Variants in ADAM9 observed in about 807,000 individuals in gnomAD.
ADAM9 encodes the protein ADAM metallopeptidase domain 9, also known as disintegrin and metalloproteinase domain-containing protein 9.
Under a neutral mutation model 108.1 loss-of-function variants are expected in ADAM9, and 54 were observed. The observed-to-expected ratio is 0.50, with a 90% CI of 0.40 to 0.63. The LOEUF (loss-of-function observed/expected upper bound fraction) is 0.63. ADAM9 is among the 20% of genes least tolerant of loss of function. The probability of loss-of-function intolerance (pLI) is 0.00; values close to 1 mark genes in which losing one functional copy is unlikely to be tolerated. For synonymous variants in ADAM9, 316 were observed against 336.0 expected, an observed-to-expected ratio of 0.94 and a Z score of 0.65; for missense variants, 830 against 997.7, an observed-to-expected ratio of 0.83 and a Z score of 2.26.
chr8:39,016,475 CTTTATA>C (rs1278213809), intron 5 of ADAM9, among the ~76,000 whole-genome samples: 3 of 152,168 alleles, frequency 2.0e-5, no homozygotes, highest in African/African-American at 4.8e-5. Context: ...TTCTGTAGCA[CTTTATA>C]TTTATAAAAT....
intron 14 of ADAM9, among the ~76,000 whole-genome samples, chr8:39,063,752 AG>A (rs758314270): frequency 1.3e-5 from 2 of 152,164 alleles, no homozygotes; most frequent in Non-Finnish European, 2.9e-5. Flanking sequence ...GAAAGAGTTT[AG>A]AGCTCAGTGT....
intron 11 of ADAM9, among the ~76,000 whole-genome samples, chr8:39,034,311 A>T (rs1837199953): frequency 6.6e-6 from 1 of 152,206 alleles, no homozygotes; most frequent in South Asian, 2.1e-4. Context: ...GTTCTTATTT[A>T]TCATGTCTAC....
intron 15 of ADAM9, among the ~76,000 whole-genome samples, chr8:39,074,288 C>G (rs1343170022): frequency 2.0e-5 from 3 of 151,906 alleles, no homozygotes; most frequent in Non-Finnish European, 4.4e-5. Context: ...AAACATAAGC[C>G]AAATGTTTCC....
intron 18 of ADAM9, among the ~76,000 whole-genome samples, chr8:39,085,236 G>A (rs546638432): frequency 6.6e-6 from 1 of 152,172 alleles, no homozygotes; most frequent in South Asian, 2.1e-4. Context: ...TCTCCTTGTA[G>A]TGATATTGTA....
At chr8:39,034,184 T>C (rs542548879) in intron 11 of ADAM9, among the ~76,000 whole-genome samples, 2 of 152,312 alleles carry the variant, frequency 1.3e-5, no homozygotes, top group East Asian at 3.9e-4. Flanking sequence ...TGAGCCACTG[T>C]GCACTGCCAG....
chr8:39,077,924 G>A (rs190705092), intron 16 of ADAM9, among the ~76,000 whole-genome samples: 181 of 152,262 alleles, frequency 1.2e-3, no homozygotes, highest in Non-Finnish European at 2.2e-3. Context: ...TTAAGAGTGC[G>A]GGCAGAAACT....
intron 15 of ADAM9, among the ~76,000 whole-genome samples, chr8:39,073,740 G>T (rs1838768801): frequency 6.6e-6 from 1 of 152,072 alleles, no homozygotes; most frequent in Non-Finnish European, 1.5e-5. Flanking sequence ...CTTGTCTTTA[G>T]CCTTGTCTTG....
intron 18 of ADAM9, among the ~76,000 whole-genome samples, chr8:39,086,584 T>C (rs1048866325): frequency 1.3e-5 from 2 of 152,238 alleles, no homozygotes; most frequent in Non-Finnish European, 2.9e-5. Flanking sequence ...CCTTGTCTAC[T>C]AATTCTGTCA....
intron 10 of ADAM9, 145 bp downstream of exon 10, chr8:39,026,029 C>A: frequency 1.3e-6 from 1 of 778,404 alleles, no homozygotes; most frequent in South Asian, 1.5e-5. Flanking sequence ...TGGGTTCTTT[C>A]CCCAGAGACT....
chr8:39,063,951 G>A (rs1286795825), intron 14 of ADAM9, among the ~76,000 whole-genome samples: 1 of 152,130 alleles, frequency 6.6e-6, no homozygotes, highest in Admixed American at 6.5e-5. Context: ...AACTACCGGC[G>A]ATATGGCTGT....
At chr8:39,065,468 C>T (rs1214164562) in intron 14 of ADAM9, among the ~76,000 whole-genome samples, 7 of 151,546 alleles carry the variant, frequency 4.6e-5, no homozygotes, top group Admixed American at 2.0e-4. Context: ...TCCTGGCTAA[C>T]GTGGTAAAAC....
chr8:39,064,198 A>G (rs994247936), intron 14 of ADAM9, among the ~76,000 whole-genome samples: 2 of 152,150 alleles, frequency 1.3e-5, no homozygotes, highest in South Asian at 2.1e-4. Flanking sequence ...TTGGACTGCA[A>G]TTACCATATC....
rs1403970168 is a variant in ADAM9 at position 38,997,218 on chromosome 8, G to C, written c.97+58G>C. ...GCTGCTTCCTAGGGACGGGGCGCTC[G>C]GAGTGAACCTGTGGTGCCTGGGAGT... On this transcript the variant is annotated intron_variant, in intron 1 of 21. Coordinates refer to ENST00000487273, the MANE Select transcript of ADAM9 (RefSeq NM_003816.3). The C allele has an allele frequency of 4.6e-6, 7 of 1,535,538 alleles. No homozygotes were observed. In the East Asian group the frequency reaches 1.4e-4, roughly 31 times the overall value.
Position 39,104,385 on chromosome 8 carries a change from GAAATT to G in ADAM9, c.*688_*692del, listed in dbSNP as rs1564399131. 4 of 440,110 alleles carry G rather than the reference GAAATT, an allele frequency of 9.1e-6. No homozygotes were observed. The highest frequency in any genetic ancestry group is 1.8e-5 in the Non-Finnish European group (4 of 219,328). 27.3% of individuals were successfully genotyped at this position (440,110 alleles called of 1,614,324 possible). On this transcript the variant is annotated 3_prime_UTR_variant, in exon 22 of 22. Coordinates refer to ENST00000487273, the MANE Select transcript of ADAM9 (RefSeq NM_003816.3). ...TCAACTATAGGTAATAACTCTTAGA[GAAATT>G]AATTTAATATTAGAATTTCTATTAT...
intron 11 of ADAM9, among the ~76,000 whole-genome samples, chr8:39,038,787 A>G (rs956145699): frequency 3.3e-5 from 5 of 152,210 alleles, no homozygotes; most frequent in Non-Finnish European, 7.3e-5. Flanking sequence ...AAGGAAGACA[A>G]GTCTTTCTGT....
In ADAM9 at chr8:39,077,196, T is replaced by C. The variant is rs750948690; in HGVS notation, c.1698-32T>C. On this transcript the variant is annotated intron_variant, in intron 15 of 21. Coordinates refer to ENST00000487273, the MANE Select transcript of ADAM9 (RefSeq NM_003816.3). The stretch of plus-strand genomic sequence containing the variant: ...TCTTTTGTTATGTATACTGGATGCA[T>C]TTTATGTTGCATTATTTCTCTCTCT... 44 of 1,611,788 alleles carry C rather than the reference T, an allele frequency of 2.7e-5. No individual in the cohort carries two copies. The Admixed American group carries it at 7.3e-4, about 27-fold the overall frequency.
chr8:39,070,866 T>C (rs1055878289), intron 14 of ADAM9, among the ~76,000 whole-genome samples: 2 of 152,134 alleles, frequency 1.3e-5, no homozygotes, highest in Non-Finnish European at 2.9e-5. Context: ...CAAGCATCCA[T>C]ATATGATAAA....
In ADAM9 at chr8:39,101,849, T is replaced by G. The variant is rs1203109819; in HGVS notation, c.2299-14T>G. On this transcript the variant is annotated splice_polypyrimidine_tract_variant and intron_variant, in intron 20 of 21. Coordinates refer to ENST00000487273, the MANE Select transcript of ADAM9 (RefSeq NM_003816.3). Reference sequence around the variant, plus strand: ...CACATAGTGGTAATAACCTTATTTTTTTTTTCTTTTTAGCCTATATATGCA... The same window carrying G: ...CACATAGTGGTAATAACCTTATTTTGTTTTTCTTTTTAGCCTATATATGCA... 1.9e-6 allele frequency: 3 copies of G among 1,602,502 alleles called. No individual in the cohort carries two copies. The highest frequency in any genetic ancestry group is 4.5e-5 in the East Asian group (2 of 44,820).
At chr8:38,999,213 C>A (rs1292795316) in intron 1 of ADAM9, among the ~76,000 whole-genome samples, 1 of 152,118 alleles carries the variant, frequency 6.6e-6, no homozygotes, top group Non-Finnish European at 1.5e-5. Context: ...AGGTACCAGG[C>A]ACACGTCAGT....
Sources: allele counts gnomAD v4.1 joint callset (sites outside exome capture counted in the v4.1 genomes callset), GRCh38; gene constraint gnomAD v4.1.1; transcripts MANE v1.5; gene names NCBI Gene and HGNC (gene_info 2026-07-23, HGNC 2026-07-21).